SYNE1: variants seen among roughly 807,000 people sequenced by gnomAD.
SYNE1 encodes the protein spectrin repeat containing nuclear envelope protein 1.
In SYNE1, 616 loss-of-function variants were observed where a neutral mutation model predicts 1,111.0. That is an observed-to-expected ratio of 0.55 (90% CI 0.52 to 0.59). The LOEUF (loss-of-function observed/expected upper bound fraction) is 0.59. SYNE1 is among the 20% of genes least tolerant of loss of function. The pLI is 0.00. For missense variants in SYNE1, 10,006 were observed against 10,417.0 expected, an observed-to-expected ratio of 0.96 and a Z score of 1.72; for synonymous variants, 3,855 against 3,825.8, an observed-to-expected ratio of 1.01 and a Z score of -0.28.
intron 51 of SYNE1, among the ~76,000 whole-genome samples, chr6:152,393,747 C>T (rs1271110525): frequency 6.6e-6 from 1 of 152,098 alleles, no homozygotes; most frequent in Non-Finnish European, 1.5e-5. Context: ...TTTTTCAAGA[C>T]AAGGAATACT....
At chr6:152,303,202 C>G (rs1291245667) in intron 91 of SYNE1, among the ~76,000 whole-genome samples, 1 of 148,330 alleles carries the variant, frequency 6.7e-6, no homozygotes, top group Non-Finnish European at 1.5e-5. Flanking sequence ...GCCTGTAATC[C>G]TAGCACTTTG....
intron 50 of SYNE1, among the ~76,000 whole-genome samples, chr6:152,396,509 C>T (rs1461933535): frequency 6.6e-6 from 1 of 151,844 alleles, no homozygotes; most frequent in East Asian, 1.9e-4. Context: ...TATTGGTGAA[C>T]CAAATAAAAA....
intron 114 of SYNE1, 22 bp downstream of exon 114, chr6:152,231,369 C>T (rs776455779): frequency 1.9e-6 from 3 of 1,613,706 alleles, no homozygotes; most frequent in Non-Finnish European, 2.5e-6. Context: ...TAAATCTGGA[C>T]AGTGGGAAGC....
chr6:152,122,634 C>G lies in SYNE1; in HGVS notation c.26196G>C (p.Gly8732=). The change falls in exon 146 of 146, where the codon GGG becomes GGC. Residue 8732 remains glycine (G), a synonymous_variant. Coordinates refer to ENST00000367255, the MANE Select transcript of SYNE1 (RefSeq NM_182961.4). ...GGSDSSLSEP[G]PGRSGRGFLF... is the part of the protein sequence containing the mutation. ...GGAAGCCGCGGCCGGACCGACCTGG[C>G]CCTGGCTCAGAAAGGGAGGAATCGG... 1 of 1,614,088 alleles carries G rather than the reference C, an allele frequency of 6.2e-7. No individual in the cohort carries two copies. The highest frequency in any genetic ancestry group is 8.5e-7 in the Non-Finnish European group (1 of 1,179,970).
chr6:152,225,898 C>A, intron 115 of SYNE1, 22 bp from the exon 116 acceptor site: 2 of 1,607,920 alleles, frequency 1.2e-6, no homozygotes, highest in South Asian at 1.1e-5. Flanking sequence ...AAAAAATAGT[C>A]ACTTTAAATT....
At chr6:152,427,025 T>A (rs1321459176) in intron 38 of SYNE1, among the ~76,000 whole-genome samples, 1 of 152,232 alleles carries the variant, frequency 6.6e-6, no homozygotes, top group East Asian at 1.9e-4. Context: ...ATTTTGACTG[T>A]TGAATTTTCC....
intron 16 of SYNE1, among the ~76,000 whole-genome samples, chr6:152,466,396 T>C (rs2098768006): frequency 6.6e-6 from 1 of 152,142 alleles, no homozygotes. Flanking sequence ...AGCACTAAAT[T>C]TAGAAGAACA....
Position 152,139,971 on chromosome 6 carries a change from C to G in SYNE1, c.25437G>C (p.Glu8479Asp). ...LELSTDIQTI[E>D]LQIKKLKELQ... ...CTACCTTGAGCTTTTTGATCTGGAG[C>G]TCGATGGTCTGGATGTCAGTGCTGA... The change falls in exon 140 of 146, where the codon GAG becomes GAC. Residue 8479 changes from glutamate (E) to aspartate (D), a missense_variant. Physicochemically the swap from Glu to Asp is conservative, Grantham distance 45. Around this residue, in one of 7 missense-constraint regions of SYNE1, gnomAD observed 761 missense variants for 795.5 expected, o/e 0.96. Transcript: ENST00000367255. The G allele has an allele frequency of 6.2e-7, 1 of 1,613,818 alleles. No individual in the cohort carries two copies. Among genetic ancestry groups the G allele is most frequent in the African/African-American group, 1.3e-5 (1 of 75,042 alleles).
intron 72 of SYNE1, among the ~76,000 whole-genome samples, chr6:152,347,674 T>C (rs928103605): frequency 2.8e-5 from 4 of 141,950 alleles, no homozygotes; most frequent in African/African-American, 7.8e-5. Flanking sequence ...GTTGTGTTTT[T>C]TGTCATTCTT....
At chr6:152,162,840 C>T (rs1051691745) in intron 131 of SYNE1, among the ~76,000 whole-genome samples, 1 of 151,864 alleles carries the variant, frequency 6.6e-6, no homozygotes, top group Non-Finnish European at 1.5e-5. Context: ...TGAAGCACCA[C>T]GTTGTACCCC....
chr6:152,414,865 C>T (rs2098128663), intron 41 of SYNE1, among the ~76,000 whole-genome samples: 1 of 152,080 alleles, frequency 6.6e-6, no homozygotes, highest in Non-Finnish European at 1.5e-5. Context: ...ATTCTGGAGG[C>T]TATTTTTTCT....
chr6:152,341,578 T>C (rs1410433357), intron 74 of SYNE1, among the ~76,000 whole-genome samples: 1 of 152,150 alleles, frequency 6.6e-6, no homozygotes, highest in African/African-American at 2.4e-5. Context: ...TCTTCACATA[T>C]GTATTGAGGG....
intron 3 of SYNE1, among the ~76,000 whole-genome samples, chr6:152,604,032 T>C (rs2099604358): frequency 6.6e-6 from 1 of 150,590 alleles, no homozygotes; most frequent in African/African-American, 2.4e-5. Flanking sequence ...CTAGAACATA[T>C]ATATGTATGT....
At chr6:152,140,829 G>C (rs1002589683) in intron 139 of SYNE1, among the ~76,000 whole-genome samples, 5 of 151,762 alleles carry the variant, frequency 3.3e-5, no homozygotes. Flanking sequence ...GTCAGGAGAT[G>C]GAGACCATCC....
At chr6:152,169,038 TATTA>T (rs2064410634) in intron 130 of SYNE1, among the ~76,000 whole-genome samples, 1 of 152,096 alleles carries the variant, frequency 6.6e-6, no homozygotes, top group Non-Finnish European at 1.5e-5. Context: ...GTCCCCAAAT[TATTA>T]ATTCCTATAA....
chr6:152,281,838 A>G lies in SYNE1; in HGVS notation c.18350T>C (p.Met6117Thr). 3 of 1,614,146 alleles carry G rather than the reference A, an allele frequency of 1.9e-6. No homozygotes were observed. The highest frequency in any genetic ancestry group is 2.5e-6 in the Non-Finnish European group (3 of 1,180,024). ...GTCCATAAGCTGGGCCTCCATGTCC[A>G]TGGGCTCCTTGGGTGGACTCAGCGC... Reference protein sequence around the residue: ...DTALSPPKEPMDMEAQLMDCQ... With the variant: ...DTALSPPKEPTDMEAQLMDCQ... The change falls in exon 97 of 146, where the codon ATG becomes ACG. Residue 6117 changes from methionine to threonine, a missense_variant. Around this residue, in one of 7 missense-constraint regions of SYNE1, gnomAD observed 99 missense variants for 147.8 expected, o/e 0.67. Coordinates refer to ENST00000367255, the MANE Select transcript of SYNE1 (RefSeq NM_182961.4).
chr6:152,603,858 T>G (rs9397531), intron 3 of SYNE1, among the ~76,000 whole-genome samples: 65,050 of 109,740 alleles, frequency 0.59, 16,854 homozygotes, highest in East Asian at 0.66. Context: ...TATATGTATA[T>G]ATAGATAGAT....
intron 110 of SYNE1, among the ~76,000 whole-genome samples, chr6:152,235,042 A>C (rs971625633): frequency 2.0e-5 from 3 of 152,096 alleles, no homozygotes; most frequent in South Asian, 2.1e-4. Context: ...ACTCTTTCAC[A>C]TTGATGCTAC....
In SYNE1 at chr6:152,636,758, G is replaced by C. The variant is rs1202659483; in HGVS notation, c.-344C>G. On this transcript the variant is annotated 5_prime_UTR_variant, in exon 2 of 146. Coordinates refer to ENST00000367255, the MANE Select transcript of SYNE1 (RefSeq NM_182961.4). ...GGATGCGCGGCTGTCCGCCCGCCCT[G>C]TCGCCGGGATCGGGCGCGGTCTGCA... 1 of 152,252 alleles carries C rather than the reference G, an allele frequency of 6.6e-6. No homozygotes were observed. The highest frequency in any genetic ancestry group is 6.5e-5 in the Admixed American group (1 of 15,288). 9.4% of individuals were successfully genotyped at this position (152,252 alleles called of 1,614,324 possible). A position where few individuals can be genotyped will look rare whatever the true frequency, so the allele number is the denominator to read the frequency against.
Sources: allele counts gnomAD v4.1 joint callset (sites outside exome capture counted in the v4.1 genomes callset), GRCh38; gene constraint gnomAD v4.1.1; regional missense constraint gnomAD v4.1.1; transcripts MANE v1.5; gene names NCBI Gene and HGNC (gene_info 2026-07-23, HGNC 2026-07-21).